AAK1: variants seen among roughly 807,000 people sequenced by gnomAD.
AAK1 encodes AP2 associated kinase 1.
AAK1 carries 37 observed loss-of-function variants against 116.0 expected under a neutral mutation model. The ratio of observed to expected loss-of-function variants is 0.32; its 90% confidence interval spans 0.25 to 0.42. The LOEUF (loss-of-function observed/expected upper bound fraction) is 0.42, where lower values mean the gene tolerates loss of function less well. Ranked by LOEUF, AAK1 falls within the 10% of genes least tolerant of loss-of-function variation. The probability of loss-of-function intolerance (pLI) is 1.00; values close to 1 mark genes in which losing one functional copy is unlikely to be tolerated. For synonymous variants in AAK1, 458 were observed against 439.9 expected (o/e 1.04, Z -0.51); for missense variants, 919 against 1,170.6 (o/e 0.79, Z 3.14).
At chr2:69,565,624 G>C (rs1671830889) in intron 2 of AAK1, among the ~76,000 whole-genome samples, 1 of 152,232 alleles carries the variant, frequency 6.6e-6, no homozygotes, top group Non-Finnish European at 1.5e-5. Flanking sequence ...CCACTCCCAG[G>C]GAAGGGAGAA....
chr2:69,633,159 C>T (rs1675279125), intron 2 of AAK1, among the ~76,000 whole-genome samples: 1 of 149,850 alleles, frequency 6.7e-6, no homozygotes, highest in Non-Finnish European at 1.5e-5. Context: ...GTGGAGCTTG[C>T]AGTGAGCCGA....
rs62133960 is a variant in AAK1, at chr2:69,641,178, G to A, written c.163+1700C>T. On this transcript the variant is annotated intron_variant, in intron 2 of 21. Transcript: ENST00000409085. Reference sequence around the variant, plus strand: ...CACTTGGAGAACATGCACCGCTTAGGGCAGCATCATCCGTGATGAGACAAC... The same window carrying A: ...CACTTGGAGAACATGCACCGCTTAGAGCAGCATCATCCGTGATGAGACAAC... 7.2e-3 allele frequency among the ~76,000 whole-genome samples: 1,089 copies of A among 152,304 alleles called. 10 individuals are homozygous for A. Among genetic ancestry groups the A allele is most frequent in the Non-Finnish European group, 0.011 (766 of 68,022 alleles).
chr2:69,599,734 T>C (rs894723314), intron 2 of AAK1, among the ~76,000 whole-genome samples: 8 of 152,154 alleles, frequency 5.3e-5, no homozygotes, highest in Admixed American at 4.6e-4. Flanking sequence ...AAAGCCTGAA[T>C]TATTGCCTTG....
In AAK1 at chr2:69,466,189, C is replaced by G. The variant is rs757672411; in HGVS notation, c.*9680G>C. 6 of 1,289,870 alleles carry G rather than the reference C, an allele frequency of 4.7e-6. No homozygotes were observed. Among genetic ancestry groups the G allele is most frequent in the Non-Finnish European group, 6.1e-6 (6 of 988,880 alleles). 79.9% of individuals were successfully genotyped at this position (1,289,870 alleles called of 1,614,324 possible). A position where few individuals can be genotyped will look rare whatever the true frequency, so the allele number is the denominator to read the frequency against. On this transcript the variant is annotated 3_prime_UTR_variant, in exon 22 of 22. Transcript: ENST00000409085. ...GCTTGAAACTGGTTCTTTCTTCCAC[C>G]TTGCACTGTCTTTGCTTGCTCAGGA...
At chr2:69,485,591 C>T (rs1474912266) in intron 17 of AAK1, among the ~76,000 whole-genome samples, 1 of 152,084 alleles carries the variant, frequency 6.6e-6, no homozygotes, top group Non-Finnish European at 1.5e-5. Context: ...CCCTCAGATG[C>T]CCTGCCACAT....
At chr2:69,640,757 C>T (rs1304477099) in intron 2 of AAK1, among the ~76,000 whole-genome samples, 1 of 152,216 alleles carries the variant, frequency 6.6e-6, no homozygotes, top group African/African-American at 2.4e-5. Context: ...TGTCTTTGCC[C>T]ATGGTGCCAC....
chr2:69,615,350 G>A (rs1244797250), intron 2 of AAK1, among the ~76,000 whole-genome samples: 1 of 152,198 alleles, frequency 6.6e-6, no homozygotes, highest in African/African-American at 2.4e-5. Flanking sequence ...AGGATGGGAG[G>A]CAGGGTATGT....
At chr2:69,546,275 C>T (rs928118510) in intron 3 of AAK1, among the ~76,000 whole-genome samples, 1 of 152,184 alleles carries the variant, frequency 6.6e-6, no homozygotes, top group African/African-American at 2.4e-5. Context: ...AGACAAAAGA[C>T]TTACTGCATC....
intron 2 of AAK1, among the ~76,000 whole-genome samples, chr2:69,578,356 G>C (rs1158753497): frequency 2.0e-5 from 3 of 152,196 alleles, no homozygotes; most frequent in African/African-American, 7.2e-5. Context: ...AAGGAAACCT[G>C]AGAGTCCAAT....
rs1674816302 is a variant in AAK1, at chr2:69,475,411, A to G, written c.*458T>C. 1.0e-6 allele frequency: 1 copy of G among 997,000 alleles called. No homozygotes were observed. The highest frequency in any genetic ancestry group is 1.2e-6 in the Non-Finnish European group (1 of 836,474). 61.8% of individuals were successfully genotyped at this position (997,000 alleles called of 1,614,324 possible). A position where few individuals can be genotyped will look rare whatever the true frequency, so the allele number is the denominator to read the frequency against. On this transcript the variant is annotated 3_prime_UTR_variant, in exon 22 of 22. Coordinates refer to ENST00000409085, the MANE Select transcript of AAK1 (RefSeq NM_014911.5). Reference sequence around the variant, plus strand: ...AGTAGCCATGTCCTCATGATAATGCATCAGGATAAAAAGCAAAAACAGGGA... The same window carrying G: ...AGTAGCCATGTCCTCATGATAATGCGTCAGGATAAAAAGCAAAAACAGGGA...
At chr2:69,486,043 C>T (rs991821471) in intron 17 of AAK1, among the ~76,000 whole-genome samples, 1 of 151,922 alleles carries the variant, frequency 6.6e-6, no homozygotes, top group Non-Finnish European at 1.5e-5. Flanking sequence ...CAGCCTCGAA[C>T]TCTCGGGCTC....
chr2:69,542,598 C>T lies in AAK1; in HGVS notation c.459G>A (p.Gln153=). The T allele has an allele frequency of 6.2e-7, 1 of 1,614,000 alleles. No homozygotes were observed. Among genetic ancestry groups the T allele is most frequent in the Non-Finnish European group, 8.5e-7 (1 of 1,179,878 alleles). The change falls in exon 5 of 22, where the codon CAG becomes CAA. Residue 153 remains glutamine (Q), a synonymous_variant. Transcript: ENST00000409085. Reference sequence around the variant, plus strand: ...CAGCTTCACAGGTATCACAAAATATCTGGAGCACTTCATTCTCTGTAAAGC... The same window carrying T: ...CAGCTTCACAGGTATCACAAAATATTTGGAGCACTTCATTCTCTGTAAAGC... ...QTGFTENEVL[Q]IFCDTCEAVA...
At chr2:69,477,098 T>C in intron 20 of AAK1, 108 bp from the exon 21 acceptor site, 1 of 622,000 alleles carries the variant, frequency 1.6e-6, no homozygotes, top group Non-Finnish European at 2.7e-6. Context: ...CCTGTTATTT[T>C]CAAAGGTGAA....
At chr2:69,587,477 A>ATAT (rs1553418808) in intron 2 of AAK1, among the ~76,000 whole-genome samples, 1 of 145,612 alleles carries the variant, frequency 6.9e-6, no homozygotes, top group South Asian at 2.1e-4. Context: ...ATATATATAT[A>ATAT]TTTTTTTGAT....
intron 2 of AAK1, among the ~76,000 whole-genome samples, chr2:69,619,639 G>C (rs987741977): frequency 6.6e-6 from 1 of 152,118 alleles, no homozygotes; most frequent in Non-Finnish European, 1.5e-5. Context: ...GAGTGCTGCC[G>C]GGAGGGAGGG....
At chr2:69,593,519 C>T (rs1364109463) in intron 2 of AAK1, among the ~76,000 whole-genome samples, 1 of 151,236 alleles carries the variant, frequency 6.6e-6, no homozygotes, top group East Asian at 1.9e-4. Flanking sequence ...ATATAATATG[C>T]AAATATATCT....
chr2:69,580,437 GA>G, intron 2 of AAK1, among the ~76,000 whole-genome samples: 1 of 152,182 alleles, frequency 6.6e-6, no homozygotes, highest in East Asian at 1.9e-4. Flanking sequence ...TACAGCAAGT[GA>G]AAAGTGGGAG....
At position 69,469,848 on chromosome 2, in the gene AAK1, A is replaced by T; in HGVS notation, c.*6021T>A. The T allele has an allele frequency of 1.0e-6, 1 of 985,450 alleles. No homozygotes were observed. Among genetic ancestry groups the T allele is most frequent in the Non-Finnish European group, 1.2e-6 (1 of 829,938 alleles). The allele number at this position is 985,450 out of a possible 1,614,324, so 61.0% of individuals were successfully genotyped here. ...CAGGTTAGGCACGTTGACACTTTCA[A>T]TATGGGTAACTCCATATTAGTCTAT... On this transcript the variant is annotated 3_prime_UTR_variant, in exon 22 of 22. Transcript: ENST00000409085.
chr2:69,473,736 G>GA lies in AAK1; in HGVS notation c.*2132dup. On this transcript the variant is annotated 3_prime_UTR_variant, in exon 22 of 22. Coordinates refer to ENST00000409085, the MANE Select transcript of AAK1 (RefSeq NM_014911.5). Reference sequence around the variant, plus strand: ...CATTATATTTCTAACATGTATATACGAAAAAAATCAAATATGAAAACATAG... The same window carrying GA: ...CATTATATTTCTAACATGTATATACGAAAAAAAATCAAATATGAAAACATAG... 1.0e-6 allele frequency: 1 copy of GA among 968,968 alleles called. No homozygotes were observed. Among genetic ancestry groups the GA allele is most frequent in the Non-Finnish European group, 1.2e-6 (1 of 814,802 alleles). The allele number at this position is 968,968 out of a possible 1,614,324, so 60.0% of individuals were successfully genotyped here.
Sources: gnomAD v4.1 joint callset for allele counts (sites outside exome capture counted in the v4.1 genomes callset) on GRCh38, gnomAD v4.1.1 for gene constraint, MANE v1.5 for transcripts, NCBI Gene and HGNC (gene_info 2026-07-23, HGNC 2026-07-21) for gene names.